Variants in ENOX1 observed in about 807,000 individuals in gnomAD.
ENOX1 encodes the protein candidate growth-related and time keeping constitutive hydroquinone (NADH) oxidase.
In ENOX1, 42 loss-of-function variants were observed where a neutral mutation model predicts 82.5. That is an observed-to-expected ratio of 0.51 (90% CI 0.40 to 0.66). ENOX1 has a LOEUF of 0.66. ENOX1 is among the 30% of genes least tolerant of loss of function. ENOX1 has a pLI of 0.00. For synonymous variants in ENOX1, 271 were observed against 282.2 expected, an observed-to-expected ratio of 0.96 and a Z score of 0.40; for missense variants, 608 against 811.6, an observed-to-expected ratio of 0.75 and a Z score of 3.05.
chr13:43,652,468 T>TG (rs966956893), intron 2 of ENOX1, among the ~76,000 whole-genome samples: 1 of 152,182 alleles, frequency 6.6e-6, no homozygotes, highest in African/African-American at 2.4e-5. Context: ...ACTTGTCAGC[T>TG]GAGGGCCCTT....
chr13:43,384,136 G>T (rs1234336710), intron 5 of ENOX1, among the ~76,000 whole-genome samples: 2 of 152,210 alleles, frequency 1.3e-5, no homozygotes, highest in Non-Finnish European at 2.9e-5. Flanking sequence ...TGATTTCACT[G>T]GGTGAGGATT....
At chr13:43,483,949 TA>T (rs2153657415) in intron 3 of ENOX1, 59 bp downstream of exon 3, 1 of 944,662 alleles carries the variant, frequency 1.1e-6, no homozygotes, top group Non-Finnish European at 1.3e-6. Context: ...TATTTTCCAT[TA>T]AAAAATATCC....
At chr13:43,702,986 T>C (rs1240458296) in intron 1 of ENOX1, among the ~76,000 whole-genome samples, 1 of 100,516 alleles carries the variant, frequency 9.9e-6, no homozygotes, top group Non-Finnish European at 2.5e-5. Flanking sequence ...AAAAAAAAGT[T>C]TGAGGAAGCC....
At chr13:43,738,674 T>G (rs1170902948) in intron 1 of ENOX1, among the ~76,000 whole-genome samples, 1 of 152,204 alleles carries the variant, frequency 6.6e-6, no homozygotes, top group East Asian at 1.9e-4. Context: ...TGGGTAATGT[T>G]TGCTCAGTTA....
rs769737189 is a variant in ENOX1 at position 43,641,529 on chromosome 13, A to ATTTTTTTTTTT, written c.-219+25939_-219+25949dup. 8.2e-4 allele frequency among the ~76,000 whole-genome samples: 68 copies of ATTTTTTTTTTT among 83,116 alleles called. 3 individuals are homozygous for ATTTTTTTTTTT. The highest frequency in any genetic ancestry group is 1.4e-3 in the African/African-American group (28 of 20,676). 54.5% of individuals were successfully genotyped at this position (83,116 alleles called of 152,430 possible). ...AGTAACAGAGTAACATTAATTTTTA[A>ATTTTTTTTTTT]TTTTTTTTTTTTTTTTTTTTTTTTG... On this transcript the variant is annotated intron_variant, in intron 2 of 16. Transcript: ENST00000690772.
chr13:43,333,404 G>A (rs781063356), intron 9 of ENOX1, among the ~76,000 whole-genome samples: 2 of 152,222 alleles, frequency 1.3e-5, no homozygotes, highest in Non-Finnish European at 2.9e-5. Context: ...TGATATGTAT[G>A]TTTGCAGTTT....
chr13:43,405,885 T>A (rs1475425851), intron 5 of ENOX1, among the ~76,000 whole-genome samples: 1 of 152,230 alleles, frequency 6.6e-6, no homozygotes, highest in Non-Finnish European at 1.5e-5. Flanking sequence ...TTCAGTGACA[T>A]CCTATAGCAC....
At chr13:43,672,935 G>C (rs868131515) in intron 1 of ENOX1, among the ~76,000 whole-genome samples, 2 of 152,114 alleles carry the variant, frequency 1.3e-5, no homozygotes, top group Middle Eastern at 3.4e-3. Context: ...ACAGCAAAAA[G>C]TAGGGACAAA....
At chr13:43,721,465 G>C (rs1426576205) in intron 1 of ENOX1, among the ~76,000 whole-genome samples, 1 of 128,704 alleles carries the variant, frequency 7.8e-6, no homozygotes, top group Non-Finnish European at 1.6e-5. Context: ...TGCAAGCTCC[G>C]CCTCCCGGGT....
chr13:43,756,381 C>A (rs762672928), intron 1 of ENOX1, among the ~76,000 whole-genome samples: 1 of 147,104 alleles, frequency 6.8e-6, no homozygotes, highest in African/African-American at 2.5e-5. Context: ...CGCAGTGAAC[C>A]GGGATCGTAC....
At chr13:43,500,277 G>A (rs898150389) in intron 2 of ENOX1, among the ~76,000 whole-genome samples, 1 of 152,104 alleles carries the variant, frequency 6.6e-6, no homozygotes, top group African/African-American at 2.4e-5. Flanking sequence ...AACCTAAAGA[G>A]TTCTAGGAGA....
At chr13:43,700,244 A>G (rs1392576280) in intron 1 of ENOX1, among the ~76,000 whole-genome samples, 1 of 152,172 alleles carries the variant, frequency 6.6e-6, no homozygotes, top group Non-Finnish European at 1.5e-5. Flanking sequence ...ACTTCTTTTG[A>G]GTTAAATGAA....
chr13:43,703,397 A>G (rs977172766), intron 1 of ENOX1, among the ~76,000 whole-genome samples: 1 of 151,972 alleles, frequency 6.6e-6, no homozygotes, highest in African/African-American at 2.4e-5. Flanking sequence ...CCTTCCATTT[A>G]TGGGCAACCA....
intron 2 of ENOX1, among the ~76,000 whole-genome samples, chr13:43,538,905 C>T (rs2078588230): frequency 6.6e-6 from 1 of 152,144 alleles, no homozygotes; most frequent in African/African-American, 2.4e-5. Flanking sequence ...CTCACTGCAG[C>T]CTCAAACTCC....
In ENOX1 at chr13:43,580,334, C is replaced by CATT. The variant is rs904031631; in HGVS notation, c.-219+87144_-219+87145insAAT. Among the ~76,000 whole-genome samples, 10 of 152,242 alleles carry CATT rather than the reference C, an allele frequency of 6.6e-5. No homozygotes were observed. The East Asian group carries it at 1.7e-3, about 26-fold the overall frequency. On this transcript the variant is annotated intron_variant, in intron 2 of 16. Coordinates refer to ENST00000690772, the MANE Select transcript of ENOX1 (RefSeq NM_001347969.2). ...CAGCCATTTGGGGTTTTTTTGTAAACAGTGGACACTTTTGTCGCCAACAAG... is the reference window on the plus strand; with the variant it reads ...CAGCCATTTGGGGTTTTTTTGTAAACATTAGTGGACACTTTTGTCGCCAACAAG...
At chr13:43,741,746 A>G (rs1949750477) in intron 1 of ENOX1, among the ~76,000 whole-genome samples, 2 of 152,184 alleles carry the variant, frequency 1.3e-5, no homozygotes, top group Admixed American at 6.5e-5. Context: ...ATGTTGACGA[A>G]GTCCAATTTA....
intron 2 of ENOX1, among the ~76,000 whole-genome samples, chr13:43,593,298 A>C (rs2081320995): frequency 1.3e-5 from 2 of 152,098 alleles, no homozygotes; most frequent in Non-Finnish European, 2.9e-5. Context: ...AAACGAATAA[A>C]TGATCCCATA....
chr13:43,657,433 G>A (rs544445550), intron 2 of ENOX1, among the ~76,000 whole-genome samples: 1 of 152,314 alleles, frequency 6.6e-6, no homozygotes, highest in South Asian at 2.1e-4. Flanking sequence ...GTGGGGTTCT[G>A]AGGTAGCAGG....
Position 43,607,279 on chromosome 13 carries a change from G to A in ENOX1, c.-219+60200C>T, listed in dbSNP as rs150228350. Among the ~76,000 whole-genome samples, 303 of 152,090 alleles carry A rather than the reference G, an allele frequency of 2.0e-3. 2 individuals carry two copies. Among genetic ancestry groups the A allele is most frequent in the Non-Finnish European group, 3.6e-3 (242 of 67,990 alleles). ...ATTAAAAAAAAAATCACAGAGTATTGGATTAGGCCAAAAGTGTGCATACAG... is the reference window on the plus strand; with the variant it reads ...ATTAAAAAAAAAATCACAGAGTATTAGATTAGGCCAAAAGTGTGCATACAG... On this transcript the variant is annotated intron_variant, in intron 2 of 16. Transcript: ENST00000690772.
Sources: allele counts gnomAD v4.1 joint callset (sites outside exome capture counted in the v4.1 genomes callset), GRCh38; gene constraint gnomAD v4.1.1; transcripts MANE v1.5; gene names NCBI Gene and HGNC (gene_info 2026-07-23, HGNC 2026-07-21).